The following KCNK2 variants were observed in gnomAD, a reference collection of about 807,000 sequenced individuals.
The protein encoded by KCNK2 is potassium channel subfamily K member 2.
KCNK2 carries 21 observed loss-of-function variants against 40.5 expected under a neutral mutation model. The ratio of observed to expected loss-of-function variants is 0.52; its 90% confidence interval spans 0.37 to 0.75. The LOEUF (loss-of-function observed/expected upper bound fraction) is 0.75. KCNK2 is among the 30% of genes least tolerant of loss of function. The probability of loss-of-function intolerance (pLI) is 0.00; values close to 1 mark genes in which losing one functional copy is unlikely to be tolerated. For missense variants in KCNK2, 399 were observed against 531.6 expected, an observed-to-expected ratio of 0.75 and a Z score of 2.45; for synonymous variants, 191 against 202.2, an observed-to-expected ratio of 0.94 and a Z score of 0.47.
chr1:215,106,558 T>C (rs1320990977), intron 2 of KCNK2, among the ~76,000 whole-genome samples: 2 of 152,144 alleles, frequency 1.3e-5, no homozygotes, highest in Non-Finnish European at 2.9e-5. Context: ...CTGTTGATAG[T>C]TTCTTTTCCT....
rs143486219 is a variant in KCNK2, at chr1:215,070,492, C to T, written c.35-15876C>T. On this transcript the variant is annotated intron_variant, in intron 1 of 6. Transcript: ENST00000391895. ...TTATAGTTCCACATGGCTGGGGAGG[C>T]CTCACAATCATGGCTGAAGGTAAAT... is the stretch of plus-strand genomic sequence containing the variant. Among the ~76,000 whole-genome samples the T allele has an allele frequency of 1.1e-3, 162 of 150,756 alleles. No homozygotes were observed. In the South Asian group the frequency reaches 0.011, roughly 10 times the overall value.
intron 1 of KCNK2, among the ~76,000 whole-genome samples, chr1:215,047,371 T>A (rs74140898): frequency 0.023 from 3,561 of 152,090 alleles, 147 homozygotes; most frequent in African/African-American, 0.082. Flanking sequence ...GAGTAAAGAG[T>A]TAACATTATT....
At chr1:215,138,304 C>A (rs140519221) in intron 3 of KCNK2, among the ~76,000 whole-genome samples, 2 of 152,030 alleles carry the variant, frequency 1.3e-5, no homozygotes, top group African/African-American at 4.8e-5. Flanking sequence ...AAATATGATA[C>A]AAAATGTTAC....
chr1:215,058,369 T>G (rs935643345), intron 1 of KCNK2, among the ~76,000 whole-genome samples: 5 of 152,232 alleles, frequency 3.3e-5, no homozygotes, highest in African/African-American at 1.2e-4. Context: ...CCATTAGTTA[T>G]GCAGATTGGA....
chr1:215,225,039 G>C (rs1300365916), intron 6 of KCNK2, among the ~76,000 whole-genome samples: 3 of 152,054 alleles, frequency 2.0e-5, no homozygotes, highest in East Asian at 3.9e-4. Flanking sequence ...CCAGTAAAGG[G>C]AGACTTAAAA....
chr1:215,013,512 G>T (rs1656480829), intron 1 of KCNK2, among the ~76,000 whole-genome samples: 1 of 152,072 alleles, frequency 6.6e-6, no homozygotes, highest in Admixed American at 6.5e-5. Context: ...AGATAAATTT[G>T]GAAAAAATTG....
At chr1:215,159,076 A>T (rs986708707) in intron 3 of KCNK2, among the ~76,000 whole-genome samples, 1 of 152,298 alleles carries the variant, frequency 6.6e-6, no homozygotes, top group African/African-American at 2.4e-5. Context: ...TCTTTAAATT[A>T]CCTTCATGCA....
chr1:215,160,756 G>A (rs546474811), intron 3 of KCNK2, among the ~76,000 whole-genome samples: 72 of 152,094 alleles, frequency 4.7e-4, no homozygotes, highest in African/African-American at 1.3e-3. Flanking sequence ...GAATGTTGTC[G>A]TAGGCTCTCT....
In KCNK2 at chr1:215,064,393, T is replaced by C. The variant is rs907196930; in HGVS notation, c.35-21975T>C. ...TGTAATATGAATCCAACCAAAAAAA[T>C]TTAAACAACTGGATTTCATGTAGTT... is the stretch of plus-strand genomic sequence containing the variant. On this transcript the variant is annotated intron_variant, in intron 1 of 6. Transcript: ENST00000391895. Among the ~76,000 whole-genome samples the C allele has an allele frequency of 2.8e-4, 43 of 152,012 alleles. 1 individual carries two copies. The highest frequency in any genetic ancestry group is 9.9e-4 in the African/African-American group (41 of 41,366).
intron 6 of KCNK2, among the ~76,000 whole-genome samples, chr1:215,202,095 TC>T (rs1665103276): frequency 6.6e-6 from 1 of 152,180 alleles, no homozygotes; most frequent in African/African-American, 2.4e-5. Context: ...GGCATATTAT[TC>T]ATTGACTGTA....
chr1:215,206,696 T>C (rs1038714047), intron 6 of KCNK2, among the ~76,000 whole-genome samples: 3 of 152,058 alleles, frequency 2.0e-5, no homozygotes, highest in African/African-American at 7.2e-5. Flanking sequence ...TCACTCCAGG[T>C]TTCCCTCTTC....
intron 2 of KCNK2, among the ~76,000 whole-genome samples, chr1:215,110,743 T>G (rs1302112350): frequency 1.9e-5 from 2 of 103,602 alleles, no homozygotes; most frequent in African/African-American, 2.6e-5. Context: ...TTCCCATATA[T>G]TCCCTGCCCC....
At chr1:215,143,871 G>A (rs2102604036) in intron 3 of KCNK2, among the ~76,000 whole-genome samples, 1 of 152,236 alleles carries the variant, frequency 6.6e-6, no homozygotes, top group African/African-American at 2.4e-5. Flanking sequence ...CTAAGTGGAA[G>A]GGCTATGCCA....
chr1:215,086,701 T>C (rs369524482), intron 2 of KCNK2, 23 bp downstream of exon 2: 7 of 1,595,378 alleles, frequency 4.4e-6, no homozygotes, highest in Non-Finnish European at 6.0e-6. Context: ...GAGGAGTTGT[T>C]ACTCTGTTCC....
rs143128126 is a variant in KCNK2 at position 215,217,607 on chromosome 1, TA to T, written c.964-17220del. On this transcript the variant is annotated intron_variant, in intron 6 of 6. Coordinates refer to ENST00000444842, the MANE Select transcript of KCNK2 (RefSeq NM_001017425.3). Reference sequence around the variant, plus strand: ...TAACTCACTAGATCAGAGACTACTTTAGCCCAAGAAACCTAAATAATTTCTT... The same window carrying T: ...TAACTCACTAGATCAGAGACTACTTTGCCCAAGAAACCTAAATAATTTCTT... Among the ~76,000 whole-genome samples, 605 of 152,286 alleles carry T rather than the reference TA, an allele frequency of 4.0e-3. 4 individuals are homozygous for T. The highest frequency in any genetic ancestry group is 0.014 in the African/African-American group (592 of 41,558).
chr1:215,212,610 A>G (rs1665787737), intron 6 of KCNK2, among the ~76,000 whole-genome samples: 1 of 152,184 alleles, frequency 6.6e-6, no homozygotes, highest in Non-Finnish European at 1.5e-5. Context: ...TAAATGAGGA[A>G]CTGGTGTGTT....
At chr1:215,196,454 A>T (rs1007552626) in intron 6 of KCNK2, among the ~76,000 whole-genome samples, 1 of 152,098 alleles carries the variant, frequency 6.6e-6, no homozygotes, top group Non-Finnish European at 1.5e-5. Flanking sequence ...AATTATCCAT[A>T]CTTTACTTCA....
intron 6 of KCNK2, among the ~76,000 whole-genome samples, chr1:215,208,283 C>G (rs1374222028): frequency 2.0e-5 from 3 of 152,062 alleles, no homozygotes; most frequent in Non-Finnish European, 2.9e-5. Flanking sequence ...TGCATGTTCT[C>G]ACTTATAATG....
At chr1:215,153,397 C>T (rs1662771058) in intron 3 of KCNK2, among the ~76,000 whole-genome samples, 1 of 152,040 alleles carries the variant, frequency 6.6e-6, no homozygotes. Flanking sequence ...CATGATGGAT[C>T]TGGGCCATCT....
Sources: gnomAD v4.1 joint callset for allele counts (sites outside exome capture counted in the v4.1 genomes callset) on GRCh38, gnomAD v4.1.1 for gene constraint, MANE v1.5 for transcripts, NCBI Gene and HGNC (gene_info 2026-07-23, HGNC 2026-07-21) for gene names.